Variants in PKN2 observed in about 807,000 individuals in gnomAD.
PKN2 encodes serine/threonine-protein kinase N2.
A neutral mutation model predicts 119.1 loss-of-function variants in PKN2; 38 were observed. The observed-to-expected ratio is 0.32, with a 90% CI of 0.25 to 0.42. The LOEUF (loss-of-function observed/expected upper bound fraction) is 0.42. Among genes scored for constraint, PKN2 ranks in the 10% least tolerant of loss-of-function variants. PKN2 has a pLI of 1.00. For missense variants in PKN2, 850 were observed against 1,165.1 expected, an observed-to-expected ratio of 0.73 and a Z score of 3.94; for synonymous variants, 390 against 384.9, an observed-to-expected ratio of 1.01 and a Z score of -0.15.
intron 3 of PKN2, among the ~76,000 whole-genome samples, chr1:88,760,774 T>G (rs1557593281): frequency 6.6e-6 from 1 of 152,156 alleles, no homozygotes; most frequent in Non-Finnish European, 1.5e-5. Context: ...CATGTTTTTC[T>G]TTGTTGTTGT....
In PKN2 at chr1:88,684,416, C is replaced by A; in HGVS notation, c.-165C>A. ...TCCCCGCCGCTCTCGATGAACCGGA[C>A]GGAATAAGCCGCGCCTCCAGCAGGG... On this transcript the variant is annotated 5_prime_UTR_variant, in exon 1 of 22. Transcript: ENST00000370521. 1 of 579,408 alleles carries A rather than the reference C, an allele frequency of 1.7e-6. No individual in the cohort carries two copies. Among genetic ancestry groups the A allele is most frequent in the Non-Finnish European group, 2.9e-6 (1 of 343,750 alleles). The allele number at this position is 579,408 out of a possible 1,614,324, so 35.9% of individuals were successfully genotyped here. A position where few individuals can be genotyped will look rare whatever the true frequency, so the allele number is the denominator to read the frequency against.
At chr1:88,740,257 C>G (rs1459644874) in intron 1 of PKN2, among the ~76,000 whole-genome samples, 3 of 151,984 alleles carry the variant, frequency 2.0e-5, no homozygotes, top group African/African-American at 7.2e-5. Context: ...ATAGTTTTCC[C>G]AAGCCCTAGT....
intron 2 of PKN2, among the ~76,000 whole-genome samples, chr1:88,742,936 A>G (rs536899560): frequency 6.6e-6 from 1 of 152,270 alleles, no homozygotes; most frequent in Admixed American, 6.5e-5. Flanking sequence ...CGTGCCTATA[A>G]TCCTAGCACT....
chr1:88,700,305 A>G (rs1024719685), intron 1 of PKN2, among the ~76,000 whole-genome samples: 4 of 152,130 alleles, frequency 2.6e-5, no homozygotes, highest in Admixed American at 6.6e-5. Flanking sequence ...TTCTGCCTCT[A>G]GGTCTTTGAG....
intron 16 of PKN2, chr1:88,815,356 T>C: frequency 3.8e-6 from 1 of 262,352 alleles, no homozygotes; most frequent in Non-Finnish European, 7.4e-6. Context: ...GGTCATTTCT[T>C]TAAAGGTAAT....
intron 1 of PKN2, among the ~76,000 whole-genome samples, chr1:88,694,955 G>A (rs546495509): frequency 5.9e-4 from 90 of 152,196 alleles, no homozygotes; most frequent in African/African-American, 2.1e-3. Context: ...GTGAAACCCC[G>A]TCTGTACTAA....
chr1:88,774,064 T>C (rs955314666), intron 6 of PKN2, among the ~76,000 whole-genome samples: 1 of 152,170 alleles, frequency 6.6e-6, no homozygotes, highest in African/African-American at 2.4e-5. Flanking sequence ...AGGATTACGT[T>C]TTTATTATAA....
chr1:88,789,438 G>A (rs920708661), intron 8 of PKN2, among the ~76,000 whole-genome samples: 4 of 151,954 alleles, frequency 2.6e-5, no homozygotes, highest in Non-Finnish European at 5.9e-5. Context: ...CGAGGCGGGC[G>A]GATCTCCTGA....
chr1:88,702,788 C>T (rs1383041815), intron 1 of PKN2, among the ~76,000 whole-genome samples: 1 of 151,730 alleles, frequency 6.6e-6, no homozygotes, highest in Non-Finnish European at 1.5e-5. Context: ...CAGTTGAAAA[C>T]TATTTTTCTG....
chr1:88,830,004 C>T (rs560431624), intron 19 of PKN2, among the ~76,000 whole-genome samples: 12 of 152,266 alleles, frequency 7.9e-5, no homozygotes, highest in African/African-American at 2.4e-4. Flanking sequence ...TTATCATGTG[C>T]TAAGCACTGT....
chr1:88,692,047 G>A (rs750916460), intron 1 of PKN2, among the ~76,000 whole-genome samples: 2 of 151,738 alleles, frequency 1.3e-5, no homozygotes, highest in Non-Finnish European at 2.9e-5. Context: ...ACTGTGTATA[G>A]TTTAGTTGGA....
intron 2 of PKN2, among the ~76,000 whole-genome samples, chr1:88,749,166 C>T (rs1385169715): frequency 1.3e-5 from 2 of 152,174 alleles, no homozygotes; most frequent in East Asian, 3.9e-4. Context: ...AGTGCATGCC[C>T]TAGGTACAGA....
intron 1 of PKN2, among the ~76,000 whole-genome samples, chr1:88,698,680 C>G (rs959698150): frequency 5.7e-4 from 86 of 152,162 alleles, no homozygotes; most frequent in African/African-American, 2.1e-3. Context: ...TTAGTACTTT[C>G]TCTTCAATTA....
intron 3 of PKN2, among the ~76,000 whole-genome samples, chr1:88,769,646 A>G (rs1412530095): frequency 3.3e-5 from 5 of 152,200 alleles, no homozygotes; most frequent in African/African-American, 1.2e-4. Flanking sequence ...AAAAGGGAAT[A>G]CTGCCATATA....
chr1:88,806,485 AT>A (rs1557624958), intron 12 of PKN2, among the ~76,000 whole-genome samples: 2 of 151,330 alleles, frequency 1.3e-5, no homozygotes. Context: ...TATGTTTCTT[AT>A]GGTCTAGTCT....
intron 3 of PKN2, among the ~76,000 whole-genome samples, chr1:88,760,635 T>C (rs1407625032): frequency 6.6e-6 from 1 of 152,182 alleles, no homozygotes; most frequent in Admixed American, 6.5e-5. Flanking sequence ...TTTTCAGATA[T>C]ATTTAGTGCT....
intron 6 of PKN2, chr1:88,781,199 C>A: frequency 8.0e-7 from 1 of 1,255,782 alleles, no homozygotes; most frequent in South Asian, 1.3e-5. Flanking sequence ...TCACTGCATG[C>A]TATTATTTGT....
intron 1 of PKN2, among the ~76,000 whole-genome samples, chr1:88,735,536 G>A (rs1044427767): frequency 5.5e-5 from 8 of 144,954 alleles, no homozygotes; most frequent in African/African-American, 2.0e-4. Context: ...GTCTGGCAAA[G>A]TCTTTATCTC....
chr1:88,744,954 C>G (rs1242151321), intron 2 of PKN2, among the ~76,000 whole-genome samples: 3 of 152,122 alleles, frequency 2.0e-5, no homozygotes, highest in African/African-American at 7.2e-5. Flanking sequence ...GCCCATGATA[C>G]TCTGAGCTTC....
Sources: allele counts gnomAD v4.1 joint callset (sites outside exome capture counted in the v4.1 genomes callset), GRCh38; gene constraint gnomAD v4.1.1; transcripts MANE v1.5; gene names NCBI Gene and HGNC (gene_info 2026-07-23, HGNC 2026-07-21).